Variants in SLF1 observed in about 807,000 individuals in gnomAD.
SLF1 encodes the protein SMC5/6 complex localization factor 1, also known as SMC5-SMC6 complex localization factor protein 1.
SLF1 carries 105 observed loss-of-function variants against 123.0 expected under a neutral mutation model. That is an observed-to-expected ratio of 0.85 (90% confidence interval 0.73 to 1.00). SLF1 has a LOEUF of 1.00. SLF1 is among the 50% of genes least tolerant of loss of function. The probability of loss-of-function intolerance (pLI) is 0.00; values close to 1 mark genes in which losing one functional copy is unlikely to be tolerated. For synonymous variants in SLF1, 434 were observed against 406.6 expected (o/e 1.07, Z -0.81); for missense variants, 1,239 against 1,223.0 (o/e 1.01, Z -0.20).
At chr5:94,630,457 T>C (rs984832468) in intron 3 of SLF1, 46 bp from the exon 4 acceptor site, 2 of 1,516,546 alleles carry the variant, frequency 1.3e-6, no homozygotes, top group African/African-American at 2.8e-5. Context: ...TTATCATTTA[T>C]CAGAACCAAA....
At chr5:94,659,297 T>A (rs1246661304) in intron 9 of SLF1, among the ~76,000 whole-genome samples, 1 of 152,216 alleles carries the variant, frequency 6.6e-6, no homozygotes. Flanking sequence ...TGAGTTTTTT[T>A]AATATCATCA....
chr5:94,692,915 T>C (rs1192953971), intron 20 of SLF1, among the ~76,000 whole-genome samples: 2 of 152,164 alleles, frequency 1.3e-5, no homozygotes, highest in Non-Finnish European at 2.9e-5. Flanking sequence ...ATTCTTCTTA[T>C]ATCTAAACTG....
chr5:94,627,665 A>G (rs1190702161), intron 1 of SLF1, among the ~76,000 whole-genome samples: 1 of 142,718 alleles, frequency 7.0e-6, no homozygotes, highest in Non-Finnish European at 1.5e-5. Context: ...TAGGATTATT[A>G]TGTGTACCCA....
chr5:94,622,832 A>G (rs1686023849), intron 1 of SLF1, among the ~76,000 whole-genome samples: 1 of 152,100 alleles, frequency 6.6e-6, no homozygotes, highest in African/African-American at 2.4e-5. Flanking sequence ...AGGGCTGGTT[A>G]TAAAAGAAAC....
At chr5:94,691,490 T>G in intron 18 of SLF1, 74 bp from the exon 19 acceptor site, 1 of 1,160,748 alleles carries the variant, frequency 8.6e-7, no homozygotes, top group East Asian at 3.3e-5. Context: ...GATCTCCTAG[T>G]TCATGCCCTT....
chr5:94,633,688 T>C (rs996955660), intron 4 of SLF1, among the ~76,000 whole-genome samples: 1 of 152,216 alleles, frequency 6.6e-6, no homozygotes, highest in Non-Finnish European at 1.5e-5. Context: ...AAGATCTCGC[T>C]AGTGAATTTA....
chr5:94,676,570 G>A (rs898574229), intron 14 of SLF1, among the ~76,000 whole-genome samples: 3 of 152,222 alleles, frequency 2.0e-5, no homozygotes, highest in South Asian at 2.1e-4. Context: ...GATCATGTCC[G>A]AAGAAGTACA....
intron 17 of SLF1, among the ~76,000 whole-genome samples, chr5:94,688,920 C>A (rs1158005352): frequency 6.6e-6 from 1 of 152,164 alleles, no homozygotes; most frequent in Non-Finnish European, 1.5e-5. Flanking sequence ...TACAGTTCCA[C>A]ACAATTTTTG....
chr5:94,644,903 TG>T (rs1301575840), intron 5 of SLF1, among the ~76,000 whole-genome samples: 2 of 152,218 alleles, frequency 1.3e-5, no homozygotes, highest in Non-Finnish European at 2.9e-5. Context: ...GCCTGGCACA[TG>T]GGTTCTCAAT....
chr5:94,690,696 C>G (rs556777120), intron 18 of SLF1, among the ~76,000 whole-genome samples: 5 of 152,036 alleles, frequency 3.3e-5, no homozygotes, highest in African/African-American at 1.2e-4. Flanking sequence ...AAATTAGATT[C>G]AGTATTTCAT....
At chr5:94,623,236 T>G (rs1418910144) in intron 1 of SLF1, among the ~76,000 whole-genome samples, 1 of 152,184 alleles carries the variant, frequency 6.6e-6, no homozygotes, top group African/African-American at 2.4e-5. Context: ...GGGAGATATT[T>G]TGGGAAACTC....
At chr5:94,673,631 A>G (rs1750718741) in intron 14 of SLF1, among the ~76,000 whole-genome samples, 1 of 150,616 alleles carries the variant, frequency 6.6e-6, no homozygotes, top group Non-Finnish European at 1.5e-5. Context: ...TGGAGGCTGC[A>G]GTGAGCTATG....
Position 94,688,536 on chromosome 5 carries a change from ACTGGTGTGCTTGGGTCTGGAAAGATT to A in SLF1, c.2154_2179del (p.Leu721LysfsTer10), listed in dbSNP as rs1752705589. The A allele has an allele frequency of 6.2e-7, 1 of 1,613,950 alleles. No individual in the cohort carries two copies. The highest frequency in any genetic ancestry group is 1.3e-5 in the African/African-American group (1 of 74,928). On this transcript the variant is annotated frameshift_variant, in exon 17 of 21. Transcript: ENST00000265140. LOFTEE classifies it high-confidence loss of function. ...TTCCTATTTACCAGCCTTGGGGAAAACTGGTGTGCTTGGGTCTGGAAAGATTCAGGTGTCAAAGAAAATAGGACAGC... is the reference window on the plus strand; with the variant it reads ...TTCCTATTTACCAGCCTTGGGGAAAACAGGTGTCAAAGAAAATAGGACAGC...
chr5:94,633,957 T>C (rs1561425542), intron 4 of SLF1, among the ~76,000 whole-genome samples: 4 of 152,210 alleles, frequency 2.6e-5, no homozygotes, highest in Admixed American at 6.5e-5. Flanking sequence ...TCTGTTTTTC[T>C]ATTAGTTGCC....
chr5:94,692,459 T>G (rs1753143638), intron 20 of SLF1, among the ~76,000 whole-genome samples: 1 of 152,140 alleles, frequency 6.6e-6, no homozygotes, highest in Non-Finnish European at 1.5e-5. Flanking sequence ...AATGTATATT[T>G]GTTTATGTAT....
chr5:94,638,978 A>G (rs1358024878), intron 4 of SLF1, among the ~76,000 whole-genome samples: 8 of 150,988 alleles, frequency 5.3e-5, no homozygotes, highest in Admixed American at 5.3e-4. Context: ...TTGTTGACAA[A>G]TTGAATTAAA....
At chr5:94,647,347 T>C (rs561151871) in intron 5 of SLF1, among the ~76,000 whole-genome samples, 31 of 152,314 alleles carry the variant, frequency 2.0e-4, no homozygotes, top group African/African-American at 6.7e-4. Flanking sequence ...ATGCATCTGG[T>C]CTAATCAGTT....
At chr5:94,637,377 T>A (rs1682218041) in intron 4 of SLF1, among the ~76,000 whole-genome samples, 1 of 152,206 alleles carries the variant, frequency 6.6e-6, no homozygotes. Context: ...GGCTCTGCTG[T>A]TAGATAAAAC....
In SLF1 at chr5:94,670,293, G is replaced by A. The variant is rs549092470; in HGVS notation, c.1661+14G>A. 4.1e-6 allele frequency: 6 copies of A among 1,446,204 alleles called. No homozygotes were observed. Among genetic ancestry groups the A allele is most frequent in the East Asian group, 5.7e-5 (2 of 34,874 alleles). The allele number at this position is 1,446,204 out of a possible 1,614,324, so 89.6% of individuals were successfully genotyped here. A position where few individuals can be genotyped will look rare whatever the true frequency, so the allele number is the denominator to read the frequency against. ...TCTGAGTCAAAAGTAAGTTCTAATC[G>A]CAAGAATAACACTTTTCTAAATTTT... On this transcript the variant is annotated intron_variant, in intron 13 of 20. Coordinates refer to ENST00000265140, the MANE Select transcript of SLF1 (RefSeq NM_032290.4).
Sources: gnomAD v4.1 joint callset for allele counts (sites outside exome capture counted in the v4.1 genomes callset) on GRCh38, gnomAD v4.1.1 for gene constraint, MANE v1.5 for transcripts, NCBI Gene and HGNC (gene_info 2026-07-23, HGNC 2026-07-21) for gene names.